Variants in MMP8 observed in about 807,000 individuals in gnomAD.
The protein encoded by MMP8 is matrix metallopeptidase 8.
MMP8 carries 67 observed loss-of-function variants against 51.2 expected under a neutral mutation model. The observed-to-expected ratio is 1.31, with a 90% CI of 1.08 to 1.60. MMP8 has a LOEUF of 1.60. Ranked by LOEUF, MMP8 falls within the 40% of genes most tolerant of loss-of-function variation. The pLI, the probability that MMP8 is intolerant of heterozygous loss-of-function variation, is 0.00. For synonymous variants in MMP8, 225 were observed against 191.0 expected (o/e 1.18, Z -1.47); for missense variants, 654 against 558.1 (o/e 1.17, Z -1.73).
chr11:102,719,653 C>T lies in MMP8; in HGVS notation c.623-1078G>A, dbSNP rs1939022. On this transcript the variant is annotated intron_variant, in intron 4 of 9. Coordinates refer to ENST00000236826, the MANE Select transcript of MMP8 (RefSeq NM_002424.3). ...GATAATTAGCCTGCTAAAATTCTAC[C>T]CATGCTCTAAGAATTGTTTCTTATC... is the stretch of plus-strand genomic sequence containing the variant. Among the ~76,000 whole-genome samples the T allele has an allele frequency of 1.3e-3, 202 of 152,264 alleles. 5 individuals carry two copies. The East Asian group carries it at 0.032, about 24-fold the overall frequency.
chr11:102,718,030 T>C (rs1291918169), intron 5 of MMP8, among the ~76,000 whole-genome samples: 5 of 152,008 alleles, frequency 3.3e-5, no homozygotes, highest in African/African-American at 9.6e-5. Flanking sequence ...TTGCTTGAAC[T>C]TGGGAGGCAG....
At position 102,714,573 on chromosome 11, in the gene MMP8, T is replaced by A. The variant is rs1861223338; in HGVS notation, c.1173A>T (p.Val391=). 3 of 1,476,050 alleles carry A rather than the reference T, an allele frequency of 2.0e-6. No individual in the cohort carries two copies. The highest frequency in any genetic ancestry group is 2.7e-6 in the Non-Finnish European group (3 of 1,111,734). 91.4% of individuals were successfully genotyped at this position (1,476,050 alleles called of 1,614,324 possible). A position where few individuals can be genotyped will look rare whatever the true frequency, so the allele number is the denominator to read the frequency against. The change falls in exon 8 of 10, where the codon GTA becomes GTT. Residue 391 remains valine (V), a synonymous_variant. Coordinates refer to ENST00000236826, the MANE Select transcript of MMP8 (RefSeq NM_002424.3). ...VFYRSKTYFF[V]NDQFWRYDNQ... ...TACGTTACCTCCAGAATTGGTCATT[T>A]ACAAAGAAGTATGTTTTACTTCTGT...
intron 5 of MMP8, among the ~76,000 whole-genome samples, chr11:102,717,148 C>T (rs1006331856): frequency 1.3e-5 from 2 of 152,096 alleles, no homozygotes; most frequent in Admixed American, 6.6e-5. Context: ...TGTTCCACTC[C>T]ATTCAATTAT....
chr11:102,714,404 A>G (rs918142594), intron 8 of MMP8, 152 bp downstream of exon 8: 5 of 447,446 alleles, frequency 1.1e-5, no homozygotes, highest in African/African-American at 1.0e-4. Flanking sequence ...AAGCCATGGT[A>G]ACATCAATCA....
chr11:102,724,889 T>C lies in MMP8; in HGVS notation c.-34A>G. 6.3e-7 allele frequency: 1 copy of C among 1,593,662 alleles called. No individual in the cohort carries two copies. The highest frequency in any genetic ancestry group is 8.6e-7 in the Non-Finnish European group (1 of 1,168,138). On this transcript the variant is annotated 5_prime_UTR_variant, in exon 1 of 10. Transcript: ENST00000236826. ...CTTCAAACTCTACCCCTCCTGGCTT[T>C]CTTTCTGTCCCTCTGGGTAGGGCCC...
At chr11:102,716,011 C>T (rs1421243266) in intron 6 of MMP8, among the ~76,000 whole-genome samples, 1 of 151,872 alleles carries the variant, frequency 6.6e-6, no homozygotes, top group Non-Finnish European at 1.5e-5. Context: ...TGAATGTTTT[C>T]ATGTTTTTTT....
chr11:102,714,625 A>C lies in MMP8; in HGVS notation c.1121T>G (p.Val374Gly), dbSNP rs937008620. 1.1e-5 allele frequency: 17 copies of C among 1,540,608 alleles called. No individual in the cohort carries two copies. Among genetic ancestry groups the C allele is most frequent in the Non-Finnish European group, 1.5e-5 (17 of 1,146,012 alleles). The stretch of plus-strand genomic sequence containing the variant: ...GAAAACAGCTGCGTCAATTGCTTGG[A>C]CGCTGCTGGGGAAGCCATAGTTTGA... ...DISNYGFPSSVQAIDAAVFYR... is the reference protein window; with the variant it reads ...DISNYGFPSSGQAIDAAVFYR... Residue 374 changes from valine to glycine, a missense_variant, in exon 8 of 10, where the codon GTC (valine) becomes GGC (glycine). Physicochemically the swap from Val to Gly is moderately radical, Grantham distance 109. Coordinates refer to ENST00000236826, the MANE Select transcript of MMP8 (RefSeq NM_002424.3).
chr11:102,718,171 C>T (rs1044697118), intron 5 of MMP8, among the ~76,000 whole-genome samples: 1 of 151,978 alleles, frequency 6.6e-6, no homozygotes, highest in African/African-American at 2.4e-5. Flanking sequence ...AAAATCCCCA[C>T]CATCCAAAGA....
At chr11:102,724,223 T>C (rs1483973936) in intron 1 of MMP8, among the ~76,000 whole-genome samples, 1 of 152,228 alleles carries the variant, frequency 6.6e-6, no homozygotes, top group African/African-American at 2.4e-5. Context: ...AAAAAACTAT[T>C]GGTTCTGCTT....
intron 1 of MMP8, among the ~76,000 whole-genome samples, chr11:102,724,219 C>T (rs1476687460): frequency 1.3e-5 from 2 of 152,106 alleles, no homozygotes; most frequent in East Asian, 1.9e-4. Flanking sequence ...TGGAAAAAAA[C>T]TATTGGTTCT....
At chr11:102,719,804 C>G (rs1861415890) in intron 4 of MMP8, among the ~76,000 whole-genome samples, 1 of 152,138 alleles carries the variant, frequency 6.6e-6, no homozygotes, top group South Asian at 2.1e-4. Flanking sequence ...AGTGCATAGT[C>G]TAGAAGAGGA....
At chr11:102,721,264 G>A (rs973229025) in intron 4 of MMP8, 137 bp downstream of exon 4, 21 of 1,279,336 alleles carry the variant, frequency 1.6e-5, no homozygotes, top group Non-Finnish European at 2.1e-5. Flanking sequence ...TCATGAGGTA[G>A]CAAAAATTTC....
At chr11:102,720,635 C>T (rs1285440412) in intron 4 of MMP8, among the ~76,000 whole-genome samples, 1 of 152,164 alleles carries the variant, frequency 6.6e-6, no homozygotes, top group Non-Finnish European at 1.5e-5. Flanking sequence ...TACCTGTCCT[C>T]AGCCTCATTT....
In MMP8 at chr11:102,716,391, A is replaced by G; in HGVS notation, c.813T>C (p.Thr271=). Residue 271 remains threonine (T), a synonymous_variant, in exon 6 of 10, where the codon ACT becomes ACC. Transcript: ENST00000236826. The stretch of plus-strand genomic sequence containing the variant: ...CACAGGGTTTGGGTGTGCTTGGTCC[A>G]GTAGGTTGGATAGGGTTGCTTGAAA... ...YGLSSNPIQP[T]GPSTPKPCDP... 2 of 1,355,506 alleles carry G rather than the reference A, an allele frequency of 1.5e-6. No individual in the cohort carries two copies. The highest frequency in any genetic ancestry group is 2.1e-6 in the Non-Finnish European group (2 of 972,828). The allele number at this position is 1,355,506 out of a possible 1,614,324, so 84.0% of individuals were successfully genotyped here.
chr11:102,723,702 C>T (rs1861540868), intron 1 of MMP8: 1 of 303,262 alleles, frequency 3.3e-6, no homozygotes, highest in African/African-American at 2.2e-5. Context: ...TTAATCCAGT[C>T]ACACAAGAGT....
chr11:102,716,862 T>A (rs1861313981), intron 5 of MMP8, among the ~76,000 whole-genome samples: 1 of 152,204 alleles, frequency 6.6e-6, no homozygotes. Flanking sequence ...ATTTTTTCTA[T>A]AAGTATTTGA....
chr11:102,721,207 A>T (rs1166965460), intron 4 of MMP8, among the ~76,000 whole-genome samples, 194 bp downstream of exon 4: 5 of 152,048 alleles, frequency 3.3e-5, no homozygotes, highest in Admixed American at 1.3e-4. Context: ...CAGATTCAGC[A>T]TGTCTTTTTC....
intron 1 of MMP8, 37 bp downstream of exon 1, chr11:102,724,717 A>T: frequency 3.3e-6 from 5 of 1,525,384 alleles, no homozygotes; most frequent in Non-Finnish European, 4.5e-6. Flanking sequence ...CCTAATAATC[A>T]GCAAATCAAA....
At chr11:102,718,890 G>A (rs1408589116) in intron 4 of MMP8, among the ~76,000 whole-genome samples, 1 of 152,180 alleles carries the variant, frequency 6.6e-6, no homozygotes, top group African/African-American at 2.4e-5. Context: ...GAGCCGTCAT[G>A]ACTTTGGGAA....
Sources: gnomAD v4.1 joint callset for allele counts (sites outside exome capture counted in the v4.1 genomes callset) on GRCh38, gnomAD v4.1.1 for gene constraint, MANE v1.5 for transcripts, NCBI Gene and HGNC (gene_info 2026-07-23, HGNC 2026-07-21) for gene names.